LRMDA: variants seen among roughly 807,000 people sequenced by gnomAD.
LRMDA encodes the protein leucine-rich melanocyte differentiation-associated protein.
In LRMDA, 18 loss-of-function variants were observed where a neutral mutation model predicts 29.8. That is an observed-to-expected ratio of 0.60 (90% CI 0.42 to 0.90). The LOEUF is 0.90. LRMDA is among the 40% of genes least tolerant of loss of function. The pLI is 0.00. For synonymous variants in LRMDA, 125 were observed against 109.4 expected (o/e 1.14, Z -0.89); for missense variants, 273 against 273.9 (o/e 1.00, Z 0.02).
intron 5 of LRMDA, among the ~76,000 whole-genome samples, chr10:76,254,803 G>A (rs903367296): frequency 1.4e-5 from 2 of 143,658 alleles, no homozygotes; most frequent in Non-Finnish European, 3.0e-5. Flanking sequence ...ACCCACCACC[G>A]TGAGTTTAGT....
chr10:76,215,784 G>C (rs970705502), intron 5 of LRMDA, among the ~76,000 whole-genome samples: 4 of 152,190 alleles, frequency 2.6e-5, no homozygotes, highest in Non-Finnish European at 4.4e-5. Flanking sequence ...AGTGAGAATA[G>C]ATTGATAAAA....
At chr10:75,901,007 G>A (rs2894317) in intron 2 of LRMDA, among the ~76,000 whole-genome samples, 93,486 of 152,030 alleles carry the variant, frequency 0.61, 29,727 homozygotes, top group South Asian at 0.81. Flanking sequence ...GATCCCCTAC[G>A]TAGAGCCAGC....
In LRMDA at chr10:75,562,401, C is replaced by G. The variant is rs560227591; in HGVS notation, c.131+123907C>G. On this transcript the variant is annotated intron_variant, in intron 2 of 6. Transcript: ENST00000611255. ...TTTGCTTGGTAGATCTTCCTCCATC[C>G]TTTTATTTTGAGCCTATGTGTGTCT... Among the ~76,000 whole-genome samples the G allele has an allele frequency of 9.9e-5, 15 of 152,110 alleles. No homozygotes were observed. The East Asian group carries it at 2.9e-3, about 29-fold the overall frequency.
At chr10:76,259,231 GA>G (rs1416988192) in intron 5 of LRMDA, among the ~76,000 whole-genome samples, 9 of 151,978 alleles carry the variant, frequency 5.9e-5, no homozygotes, top group Admixed American at 2.0e-4. Flanking sequence ...TTGGGTATTT[GA>G]AAATATATTT....
At chr10:76,016,999 CT>C (rs145515912) in intron 2 of LRMDA, among the ~76,000 whole-genome samples, 8,856 of 152,220 alleles carry the variant, frequency 0.058, 336 homozygotes, top group Non-Finnish European at 0.08. Context: ...CAAATTCATA[CT>C]TTGAAACCCT....
intron 5 of LRMDA, among the ~76,000 whole-genome samples, chr10:76,213,304 T>C (rs887054542): frequency 3.9e-5 from 6 of 152,196 alleles, no homozygotes; most frequent in Non-Finnish European, 1.5e-5. Flanking sequence ...CCACATCAAG[T>C]TGTGAATGGA....
intron 2 of LRMDA, among the ~76,000 whole-genome samples, chr10:75,927,990 A>G (rs1271019317): frequency 6.6e-6 from 1 of 152,222 alleles, no homozygotes; most frequent in Non-Finnish European, 1.5e-5. Context: ...AAGCATGTAA[A>G]GCAGTTGGCA....
Position 76,346,331 on chromosome 10 carries a change from C to T in LRMDA, c.601+21846C>T, listed in dbSNP as rs151311705. The T allele has an allele frequency of 3.3e-3, 503 of 152,226 alleles. 2 individuals carry two copies. Among genetic ancestry groups the T allele is most frequent in the African/African-American group, 0.012 (483 of 41,546 alleles). The allele number at this position is 152,226 out of a possible 1,614,324, so 9.4% of individuals were successfully genotyped here. On this transcript the variant is annotated intron_variant, in intron 6 of 6. Coordinates refer to ENST00000611255, the MANE Select transcript of LRMDA (RefSeq NM_001305581.2). ...TAAAAAGTCTCAAAGAAGGTGATAA[C>T]TTTGGGTGATTTATAACTGTTTTGG...
intron 6 of LRMDA, among the ~76,000 whole-genome samples, chr10:76,345,028 T>G: frequency 6.8e-6 from 1 of 146,908 alleles, no homozygotes; most frequent in South Asian, 2.2e-4. Flanking sequence ...TGATTTTATT[T>G]AAAAAAAACC....
At chr10:75,998,782 G>A (rs1847514683) in intron 2 of LRMDA, among the ~76,000 whole-genome samples, 1 of 152,184 alleles carries the variant, frequency 6.6e-6, no homozygotes, top group Admixed American at 6.5e-5. Flanking sequence ...AACACTTGTG[G>A]TGTAATTTGG....
chr10:75,605,599 T>C (rs1235034825), intron 2 of LRMDA, among the ~76,000 whole-genome samples: 1 of 152,258 alleles, frequency 6.6e-6, no homozygotes, highest in Non-Finnish European at 1.5e-5. Context: ...GCATCCTTTC[T>C]GGGCACATTC....
At chr10:75,614,639 G>A (rs551777980) in intron 2 of LRMDA, among the ~76,000 whole-genome samples, 160 of 152,262 alleles carry the variant, frequency 1.1e-3, no homozygotes, top group Non-Finnish European at 1.7e-3. Context: ...GAGGAGAGGG[G>A]GCACTTCAGT....
Position 76,153,358 on chromosome 10 carries a change from G to A in LRMDA, c.516+94575G>A, listed in dbSNP as rs142262506. ...TATTTATTGTTTTCTTTGATGGCTT[G>A]TACTTTTGGTGTTACATCTAAGAAA... On this transcript the variant is annotated intron_variant, in intron 5 of 6. Transcript: ENST00000611255. 3.5e-4 allele frequency among the ~76,000 whole-genome samples: 54 copies of A among 152,188 alleles called. 1 individual carries two copies. Among genetic ancestry groups the A allele is most frequent in the African/African-American group, 1.2e-3 (49 of 41,540 alleles).
At chr10:75,809,184 A>G (rs1322307254) in intron 2 of LRMDA, among the ~76,000 whole-genome samples, 1 of 152,218 alleles carries the variant, frequency 6.6e-6, no homozygotes, top group East Asian at 1.9e-4. Flanking sequence ...GGGGAGGATC[A>G]GCCACCTTGC....
chr10:76,036,241 T>A, intron 3 of LRMDA, 107 bp downstream of exon 3: 1 of 1,119,790 alleles, frequency 8.9e-7, no homozygotes, highest in Non-Finnish European at 1.2e-6. Context: ...GTTTTACGTG[T>A]CAGCTAAATT....
chr10:75,800,739 C>T (rs1414299399), intron 2 of LRMDA, among the ~76,000 whole-genome samples: 2 of 152,266 alleles, frequency 1.3e-5, no homozygotes, highest in East Asian at 3.9e-4. Context: ...ATCTCAAAAT[C>T]TGTTTCTGTT....
intron 2 of LRMDA, among the ~76,000 whole-genome samples, chr10:75,823,630 C>T (rs946506702): frequency 5.3e-5 from 8 of 151,416 alleles, no homozygotes; most frequent in African/African-American, 1.2e-4. Context: ...GGTATCTACC[C>T]GAAAGCTATA....
At chr10:76,086,282 C>A (rs937935170) in intron 5 of LRMDA, among the ~76,000 whole-genome samples, 1 of 152,214 alleles carries the variant, frequency 6.6e-6, no homozygotes, top group African/African-American at 2.4e-5. Context: ...CTTTCCTTCT[C>A]TGGGATTGTC....
intron 2 of LRMDA, among the ~76,000 whole-genome samples, chr10:75,611,449 A>G (rs1841030791): frequency 6.6e-6 from 1 of 152,150 alleles, no homozygotes; most frequent in African/African-American, 2.4e-5. Context: ...CGTTACAACC[A>G]TCCATCTCCA....
Sources: gnomAD v4.1 joint callset for allele counts (sites outside exome capture counted in the v4.1 genomes callset) on GRCh38, gnomAD v4.1.1 for gene constraint, MANE v1.5 for transcripts, NCBI Gene and HGNC (gene_info 2026-07-23, HGNC 2026-07-21) for gene names.